XYLT1: variants seen among roughly 807,000 people sequenced by gnomAD.
XYLT1 encodes the protein beta-D-xylosyltransferase 1.
XYLT1 carries 36 observed loss-of-function variants against 91.3 expected under a neutral mutation model. That is an observed-to-expected ratio of 0.39 (90% CI 0.30 to 0.52). XYLT1 has a LOEUF of 0.52. XYLT1 is among the 20% of genes least tolerant of loss of function. The probability of loss-of-function intolerance (pLI) is 0.68; values close to 1 mark genes in which losing one functional copy is unlikely to be tolerated. For synonymous variants in XYLT1, 588 were observed against 532.0 expected (o/e 1.11, Z -1.45); for missense variants, 1,242 against 1,284.5 (o/e 0.97, Z 0.51).
intron 6 of XYLT1, among the ~76,000 whole-genome samples, chr16:17,150,184 G>T (rs1449907742): frequency 6.6e-6 from 1 of 152,168 alleles, no homozygotes; most frequent in Non-Finnish European, 1.5e-5. Flanking sequence ...AGCTCGCGAG[G>T]ATTCAGCTCC....
intron 1 of XYLT1, among the ~76,000 whole-genome samples, chr16:17,388,188 G>A (rs933358587): frequency 2.0e-5 from 3 of 152,104 alleles, no homozygotes; most frequent in Non-Finnish European, 2.9e-5. Context: ...TACTGTACAT[G>A]GACATTTTGC....
chr16:17,434,406 C>T (rs780703034), intron 1 of XYLT1, among the ~76,000 whole-genome samples: 2 of 152,242 alleles, frequency 1.3e-5, no homozygotes, highest in Non-Finnish European at 2.9e-5. Flanking sequence ...CCACACAATG[C>T]CTTTCTGTCT....
chr16:17,440,707 T>A (rs775822628), intron 1 of XYLT1, among the ~76,000 whole-genome samples: 1 of 152,228 alleles, frequency 6.6e-6, no homozygotes, highest in Non-Finnish European at 1.5e-5. Flanking sequence ...ATTAGCATGG[T>A]TTATGGTTGC....
intron 1 of XYLT1, among the ~76,000 whole-genome samples, chr16:17,420,538 C>T (rs551637109): frequency 2.0e-5 from 3 of 152,072 alleles, no homozygotes; most frequent in Non-Finnish European, 4.4e-5. Flanking sequence ...AGCCAGGACT[C>T]GGTTGCTATC....
chr16:17,326,388 T>C (rs2034802459), intron 2 of XYLT1, among the ~76,000 whole-genome samples: 1 of 152,198 alleles, frequency 6.6e-6, no homozygotes. Context: ...CTCCCTCTTT[T>C]TGGCTTCAGT....
At chr16:17,350,231 T>C (rs1319954252) in intron 2 of XYLT1, among the ~76,000 whole-genome samples, 1 of 152,198 alleles carries the variant, frequency 6.6e-6, no homozygotes, top group Admixed American at 6.5e-5. Context: ...TTTCAATGTC[T>C]TCGGTGAAGT....
chr16:17,183,064 A>G (rs932374371), intron 5 of XYLT1, among the ~76,000 whole-genome samples: 1 of 152,204 alleles, frequency 6.6e-6, no homozygotes, highest in African/African-American at 2.4e-5. Context: ...AACCACTTAC[A>G]CAACACACTG....
intron 2 of XYLT1, among the ~76,000 whole-genome samples, chr16:17,313,536 T>C (rs2034582712): frequency 6.6e-6 from 1 of 152,156 alleles, no homozygotes; most frequent in South Asian, 2.1e-4. Flanking sequence ...AGGGACTGCT[T>C]AGACCCATGC....
At chr16:17,440,874 G>A (rs1423477670) in intron 1 of XYLT1, among the ~76,000 whole-genome samples, 1 of 152,010 alleles carries the variant, frequency 6.6e-6, no homozygotes, top group East Asian at 1.9e-4. Flanking sequence ...AGCAAAGGTG[G>A]CTGAACGAGA....
intron 2 of XYLT1, among the ~76,000 whole-genome samples, chr16:17,285,935 TGAGTGA>T (rs1418577444): frequency 6.8e-6 from 1 of 146,712 alleles, no homozygotes; most frequent in Non-Finnish European, 1.5e-5. Flanking sequence ...TGTGTGTGAG[TGAGTGA>T]GAGAGAGAGA....
intron 6 of XYLT1, among the ~76,000 whole-genome samples, chr16:17,143,551 G>A (rs1197377495): frequency 6.6e-6 from 1 of 151,744 alleles, no homozygotes; most frequent in Non-Finnish European, 1.5e-5. Flanking sequence ...CACCACCACA[G>A]TTTCCCTACA....
rs1317181179 is a variant in XYLT1 at position 17,105,712 on chromosome 16, C to T, written c.*2983G>A. On this transcript the variant is annotated 3_prime_UTR_variant, in exon 12 of 12. Transcript: ENST00000261381. The stretch of plus-strand genomic sequence containing the variant: ...GAGTTTCCAGGGACCTCGTCACTGG[C>T]TCAGCTCACAGCTGCAGGCTGTAAT... 2.0e-5 allele frequency: 3 copies of T among 152,262 alleles called. No individual in the cohort carries two copies. The highest frequency in any genetic ancestry group is 4.4e-5 in the Non-Finnish European group (3 of 68,072). The allele number at this position is 152,262 out of a possible 1,614,324, so 9.4% of individuals were successfully genotyped here. A position where few individuals can be genotyped will look rare whatever the true frequency, so the allele number is the denominator to read the frequency against.
At chr16:17,129,616 C>T (rs933230711) in intron 9 of XYLT1, among the ~76,000 whole-genome samples, 1 of 152,122 alleles carries the variant, frequency 6.6e-6, no homozygotes, top group Admixed American at 6.5e-5. Context: ...TGTTTGGTTG[C>T]ATGAGTAAGT....
intron 2 of XYLT1, among the ~76,000 whole-genome samples, chr16:17,346,766 GGAAGTTCCTTCTTCTAGCATT>G (rs1010076062): frequency 5.3e-5 from 8 of 152,102 alleles, no homozygotes; most frequent in Non-Finnish European, 1.5e-5. Flanking sequence ...TTTTATAGCT[GGAAGTTCCTTCTTCTAGCATT>G]GAGCTGGCTG....
intron 2 of XYLT1, among the ~76,000 whole-genome samples, chr16:17,299,605 A>AT (rs2034364132): frequency 6.6e-6 from 1 of 152,172 alleles, no homozygotes; most frequent in African/African-American, 2.4e-5. Flanking sequence ...AGGTCGCCAT[A>AT]TGTGGGAGTT....
intron 3 of XYLT1, among the ~76,000 whole-genome samples, chr16:17,203,362 C>T (rs1364693698): frequency 7.9e-5 from 12 of 152,126 alleles, no homozygotes; most frequent in Admixed American, 7.9e-4. Flanking sequence ...CTCCACCCAT[C>T]CACCCATTAA....
chr16:17,424,786 T>C (rs1339584725), intron 1 of XYLT1, among the ~76,000 whole-genome samples: 1 of 149,300 alleles, frequency 6.7e-6, no homozygotes, highest in Non-Finnish European at 1.5e-5. Flanking sequence ...GAGAATTGCT[T>C]GAACCCGGGA....
intron 1 of XYLT1, among the ~76,000 whole-genome samples, chr16:17,447,246 C>T (rs1470536971): frequency 6.6e-6 from 1 of 152,202 alleles, no homozygotes; most frequent in Non-Finnish European, 1.5e-5. Context: ...ACTCTCAACA[C>T]AGGACAGAGA....
intron 1 of XYLT1, among the ~76,000 whole-genome samples, chr16:17,409,549 T>C (rs866981557): frequency 7.8e-5 from 11 of 140,402 alleles, no homozygotes; most frequent in African/African-American, 2.8e-4. Flanking sequence ...TGAGACACTT[T>C]TTTTTTTTTT....
Sources: allele counts gnomAD v4.1 joint callset (sites outside exome capture counted in the v4.1 genomes callset), GRCh38; gene constraint gnomAD v4.1.1; transcripts MANE v1.5; gene names NCBI Gene and HGNC (gene_info 2026-07-23, HGNC 2026-07-21).